Variants in ENPEP observed in about 807,000 individuals in gnomAD.
The protein encoded by ENPEP is glutamyl aminopeptidase.
ENPEP carries 103 observed loss-of-function variants against 114.5 expected under a neutral mutation model. That is an observed-to-expected ratio of 0.90 (90% CI 0.77 to 1.06). The LOEUF (loss-of-function observed/expected upper bound fraction) is 1.06. Ranked by LOEUF, ENPEP falls within the 50% of genes least tolerant of loss-of-function variation. The probability of loss-of-function intolerance (pLI) is 0.00; values close to 1 mark genes in which losing one functional copy is unlikely to be tolerated. For synonymous variants in ENPEP, 420 were observed against 422.0 expected (o/e 1.00, Z 0.06); for missense variants, 1,196 against 1,161.3 (o/e 1.03, Z -0.43).
chr4:110,516,015 T>C (rs907570400), intron 8 of ENPEP: 5 of 287,890 alleles, frequency 1.7e-5, no homozygotes, highest in South Asian at 3.3e-5. Flanking sequence ...TTCTAAATAC[T>C]ATCACACTGG....
In ENPEP at chr4:110,476,661, G is replaced by C. The variant is rs746763995; in HGVS notation, c.247G>C (p.Asp83His). 3.1e-6 allele frequency: 5 copies of C among 1,613,858 alleles called. No homozygotes were observed. The African/African-American group carries it at 5.3e-5, about 17-fold the overall frequency. The part of the protein sequence containing the change: ...QDQDICPASE[D>H]ESGQWKNFRL... ...CCAGGACATCTGCCCGGCCAGTGAG[G>C]ATGAGAGCGGACAGTGGAAAAACTT... Residue 83 changes from aspartate to histidine, a missense_variant, in exon 1 of 20, where the codon GAT becomes CAT. Coordinates refer to ENST00000265162, the MANE Select transcript of ENPEP (RefSeq NM_001977.4).
chr4:110,514,608 T>C (rs909474069), intron 7 of ENPEP, among the ~76,000 whole-genome samples: 1 of 152,124 alleles, frequency 6.6e-6, no homozygotes, highest in African/African-American at 2.4e-5. Context: ...ATGTCCAAGA[T>C]AAATAAATGT....
chr4:110,536,248 A>G (rs975703221), intron 11 of ENPEP, among the ~76,000 whole-genome samples: 28 of 152,150 alleles, frequency 1.8e-4, no homozygotes, highest in Non-Finnish European at 2.8e-4. Context: ...GAAACAATCA[A>G]TAGTGGTTTG....
intron 3 of ENPEP, among the ~76,000 whole-genome samples, chr4:110,498,947 G>T (rs1357511474): frequency 6.6e-6 from 1 of 152,108 alleles, no homozygotes; most frequent in Non-Finnish European, 1.5e-5. Context: ...AAACCCTGTG[G>T]TTTGCTTTTT....
At chr4:110,548,755 T>TA (rs1191739526) in intron 14 of ENPEP, among the ~76,000 whole-genome samples, 3 of 152,096 alleles carry the variant, frequency 2.0e-5, no homozygotes, top group African/African-American at 7.2e-5. Context: ...GTAGTCATTC[T>TA]AAATACCGTT....
At chr4:110,500,704 TCAGTATGGGTTGTCA>T (rs1272798923) in intron 3 of ENPEP, among the ~76,000 whole-genome samples, 3 of 152,148 alleles carry the variant, frequency 2.0e-5, no homozygotes, top group African/African-American at 4.8e-5. Flanking sequence ...CCATGTTATT[TCAGTATGGGTTGTCA>T]CACGCTTAAA....
In ENPEP at chr4:110,553,397, T is replaced by A; in HGVS notation, c.2584T>A (p.Tyr862Asn). 1.2e-6 allele frequency: 2 copies of A among 1,611,494 alleles called. No individual in the cohort carries two copies. The highest frequency in any genetic ancestry group is 1.7e-6 in the Non-Finnish European group (2 of 1,178,282). Residue 862 changes from tyrosine to asparagine, a missense_variant, in exon 18 of 20, where the codon TAT (tyrosine) becomes AAT (asparagine). Tyr to Asn is a moderately radical substitution (Grantham distance 143). Transcript: ENST00000265162. ...TVIRYISYNS[Y>N]GKNMAWNWIQ... ...CATTCGATATATCTCATATAACAGC[T>A]ATGGGAAGAACATGGCCTGGAATTG... is the stretch of plus-strand genomic sequence containing the variant.
At chr4:110,491,229 T>G in intron 3 of ENPEP, 65 bp downstream of exon 3, 1 of 1,422,596 alleles carries the variant, frequency 7.0e-7, no homozygotes, top group Non-Finnish European at 9.4e-7. Context: ...CTACCTTTTT[T>G]GGGTAGTTTT....
intron 1 of ENPEP, among the ~76,000 whole-genome samples, chr4:110,484,858 G>T (rs1298741430): frequency 2.0e-5 from 3 of 151,290 alleles, no homozygotes; most frequent in Non-Finnish European, 2.9e-5. Context: ...GCTTAGGAAA[G>T]TGTAATTCCA....
At chr4:110,525,108 A>G (rs1726144697) in intron 10 of ENPEP, among the ~76,000 whole-genome samples, 1 of 152,256 alleles carries the variant, frequency 6.6e-6, no homozygotes, top group African/African-American at 2.4e-5. Context: ...TGCAAAGCAC[A>G]GCTGAGGATT....
At chr4:110,500,895 A>G (rs1242011806) in intron 3 of ENPEP, among the ~76,000 whole-genome samples, 1 of 152,118 alleles carries the variant, frequency 6.6e-6, no homozygotes, top group Non-Finnish European at 1.5e-5. Context: ...GAGAGAGGAG[A>G]AGGAGATGCA....
At chr4:110,556,920 A>G (rs148625348) in intron 18 of ENPEP, among the ~76,000 whole-genome samples, 133 of 152,332 alleles carry the variant, frequency 8.7e-4, no homozygotes, top group African/African-American at 3.2e-3. Flanking sequence ...GGAGAAGCAG[A>G]CCTGGTTCTC....
At chr4:110,499,599 C>T (rs1725074821) in intron 3 of ENPEP, among the ~76,000 whole-genome samples, 1 of 152,150 alleles carries the variant, frequency 6.6e-6, no homozygotes, top group South Asian at 2.1e-4. Flanking sequence ...AGTTTGAATA[C>T]TATATGTTAA....
At chr4:110,532,621 A>T (rs1468941430) in intron 11 of ENPEP, among the ~76,000 whole-genome samples, 3 of 150,008 alleles carry the variant, frequency 2.0e-5, no homozygotes, top group Non-Finnish European at 3.0e-5. Context: ...TGGGCCTTTT[A>T]AAAAAAAACG....
intron 8 of ENPEP, among the ~76,000 whole-genome samples, chr4:110,517,059 TCA>T (rs1342637166): frequency 6.6e-6 from 1 of 152,166 alleles, no homozygotes; most frequent in East Asian, 1.9e-4. Context: ...TTCTCATGTC[TCA>T]GTCTCCCGAG....
chr4:110,541,247 GA>G (rs771757274), intron 11 of ENPEP, among the ~76,000 whole-genome samples: 1 of 152,050 alleles, frequency 6.6e-6, no homozygotes, highest in Non-Finnish European at 1.5e-5. Flanking sequence ...CATATATTAT[GA>G]AAAACTACTG....
intron 3 of ENPEP, among the ~76,000 whole-genome samples, chr4:110,492,315 C>T (rs1395650758): frequency 2.0e-5 from 3 of 152,188 alleles, no homozygotes; most frequent in African/African-American, 7.2e-5. Context: ...ATTCCAAACT[C>T]CTTCCAGATA....
intron 8 of ENPEP, among the ~76,000 whole-genome samples, chr4:110,516,591 TGTGATTCCCCAGGAGAAG>T (rs1725779166): frequency 6.6e-6 from 1 of 152,156 alleles, no homozygotes; most frequent in Non-Finnish European, 1.5e-5. Context: ...TTCTTCTGTA[TGTGATTCCCCAGGAGAAG>T]GTCACCATTC....
In ENPEP at chr4:110,505,262, T is replaced by C. The variant is rs574689406; in HGVS notation, c.919-1375T>C. ...AGGAGGGTAATCCAAACAGTTTCACTTTTTGATTGCTTAACAACTATTAGA... is the reference window on the plus strand; with the variant it reads ...AGGAGGGTAATCCAAACAGTTTCACCTTTTGATTGCTTAACAACTATTAGA... On this transcript the variant is annotated intron_variant, in intron 3 of 19. Coordinates refer to ENST00000265162, the MANE Select transcript of ENPEP (RefSeq NM_001977.4). 1.2e-3 allele frequency among the ~76,000 whole-genome samples: 186 copies of C among 152,312 alleles called. 3 individuals are homozygous for C. Among genetic ancestry groups the C allele is most frequent in the African/African-American group, 4.3e-3 (177 of 41,576 alleles).
Sources: gnomAD v4.1 joint callset for allele counts (sites outside exome capture counted in the v4.1 genomes callset) on GRCh38, gnomAD v4.1.1 for gene constraint, MANE v1.5 for transcripts, NCBI Gene and HGNC (gene_info 2026-07-23, HGNC 2026-07-21) for gene names.